Variants in PTX3 observed in about 807,000 individuals in gnomAD.
PTX3 encodes the protein pentraxin-related protein PTX3.
In PTX3, 24 loss-of-function variants were observed where a neutral mutation model predicts 23.5. The observed-to-expected ratio is 1.02, with a 90% CI of 0.74 to 1.43. The LOEUF (loss-of-function observed/expected upper bound fraction) is 1.43. Among genes scored for constraint, PTX3 ranks in the 40% most tolerant of loss-of-function variants. PTX3 has a pLI of 0.00. For missense variants in PTX3, 510 were observed against 497.5 expected, an observed-to-expected ratio of 1.02 and a Z score of -0.24; for synonymous variants, 218 against 205.4, an observed-to-expected ratio of 1.06 and a Z score of -0.53.
intron 2 of PTX3, among the ~76,000 whole-genome samples, chr3:157,438,337 C>T (rs1291122491): frequency 3.3e-5 from 5 of 152,072 alleles, no homozygotes; most frequent in Non-Finnish European, 7.4e-5. Context: ...TTTTATCCTG[C>T]CTCTGTCTTT....
chr3:157,437,692 G>T lies in PTX3; in HGVS notation c.310G>T (p.Ala104Ser). Residue 104 changes from alanine (A) to serine (S), a missense_variant, in exon 2 of 3, where the codon GCG (alanine) becomes TCG (serine). Ala to Ser is a moderately conservative substitution (Grantham distance 99). Transcript: ENST00000295927. ...RLAESLARPC[A>S]PGAPAEARLT... Reference sequence around the variant, plus strand: ...CGCGGAAAGCCTGGCGAGGCCGTGCGCGCCGGGGGCTCCCGCAGAGGCCAG... The same window carrying T: ...CGCGGAAAGCCTGGCGAGGCCGTGCTCGCCGGGGGCTCCCGCAGAGGCCAG... 1 of 1,533,030 alleles carries T rather than the reference G, an allele frequency of 6.5e-7. No homozygotes were observed. The allele number at this position is 1,533,030 out of a possible 1,614,324, so 95.0% of individuals were successfully genotyped here. A position where few individuals can be genotyped will look rare whatever the true frequency, so the allele number is the denominator to read the frequency against.
rs1343614145 is a variant in PTX3, at chr3:157,443,564, G to A, written c.*585G>A. ...AAGACTATTTTTGTAAAGCTCTACT[G>A]TAAATAAAATATTTTATAAAACTAG... On this transcript the variant is annotated 3_prime_UTR_variant, in exon 3 of 3. Coordinates refer to ENST00000295927, the MANE Select transcript of PTX3 (RefSeq NM_002852.4). The A allele has an allele frequency of 2.6e-5, 4 of 152,572 alleles. No individual in the cohort carries two copies. Among genetic ancestry groups the A allele is most frequent in the Admixed American group, 1.3e-4 (2 of 15,270 alleles). The allele number at this position is 152,572 out of a possible 1,614,324, so 9.5% of individuals were successfully genotyped here.
intron 2 of PTX3, among the ~76,000 whole-genome samples, chr3:157,440,659 T>C (rs768152687): frequency 8.6e-4 from 131 of 152,080 alleles, no homozygotes; most frequent in Non-Finnish European, 1.2e-3. Flanking sequence ...TATGTATATA[T>C]GTGTGTATAT....
intron 2 of PTX3, among the ~76,000 whole-genome samples, chr3:157,440,955 T>C (rs1734073322): frequency 1.3e-5 from 2 of 152,112 alleles, no homozygotes; most frequent in Non-Finnish European, 1.5e-5. Flanking sequence ...ATTATAAGCA[T>C]GTGGACAAGG....
chr3:157,437,665 C>T lies in PTX3; in HGVS notation c.283C>T (p.Leu95Phe), dbSNP rs772664941. ...GAGGCTGCGGGAGGAGCTGGGCCGG[C>T]TCGCGGAAAGCCTGGCGAGGCCGTG... ...LQRLREELGRLAESLARPCAP... is the reference protein window; with the variant it reads ...LQRLREELGRFAESLARPCAP... The change falls in exon 2 of 3, where the codon CTC (leucine) becomes TTC (phenylalanine). Residue 95 changes from leucine to phenylalanine, a missense_variant. Leu to Phe is a conservative substitution (Grantham distance 22). Transcript: ENST00000295927. 1 of 1,540,506 alleles carries T rather than the reference C, an allele frequency of 6.5e-7. No individual in the cohort carries two copies. The highest frequency in any genetic ancestry group is 8.7e-7 in the Non-Finnish European group (1 of 1,146,406).
In PTX3 at chr3:157,440,968, G is replaced by T. The variant is rs182247704; in HGVS notation, c.533-1398G>T. Among the ~76,000 whole-genome samples, 10 of 152,310 alleles carry T rather than the reference G, an allele frequency of 6.6e-5. No homozygotes were observed. In the East Asian group the frequency reaches 1.5e-3, roughly 24 times the overall value. On this transcript the variant is annotated intron_variant, in intron 2 of 2. Coordinates refer to ENST00000295927, the MANE Select transcript of PTX3 (RefSeq NM_002852.4). The stretch of plus-strand genomic sequence containing the variant: ...TAATTATAAGCATGTGGACAAGGTA[G>T]AATTTTTAAACACATTTTTGGTCTA...
Position 157,443,122 on chromosome 3 carries a change from T to C in PTX3, c.*143T>C, listed in dbSNP as rs750429296. 1.5e-4 allele frequency: 145 copies of C among 971,906 alleles called. No individual in the cohort carries two copies. The highest frequency in any genetic ancestry group is 2.7e-4 in the Middle Eastern group (1 of 3,744). 60.2% of individuals were successfully genotyped at this position (971,906 alleles called of 1,614,324 possible). On this transcript the variant is annotated 3_prime_UTR_variant, in exon 3 of 3. Coordinates refer to ENST00000295927, the MANE Select transcript of PTX3 (RefSeq NM_002852.4). ...AGTTGAGACCAATCTTTATTTGTAC[T>C]GGCCAAATACTGAATAAACAGTTGA...
intron 2 of PTX3, 149 bp downstream of exon 2, chr3:157,438,063 A>C: frequency 5.4e-6 from 4 of 746,188 alleles, no homozygotes; most frequent in Non-Finnish European, 8.4e-6. Flanking sequence ...ACACACACAC[A>C]CACACACACC....
At chr3:157,439,026 T>G (rs967462700) in intron 2 of PTX3, among the ~76,000 whole-genome samples, 1 of 152,204 alleles carries the variant, frequency 6.6e-6, no homozygotes, top group Non-Finnish European at 1.5e-5. Context: ...CATTTAAAGT[T>G]ACAGAAACCA....
rs755051318 is a variant in PTX3 at position 157,436,994 on chromosome 3, G to C, written c.61G>C (p.Asp21His). The change falls in exon 1 of 3, where the codon GAT becomes CAT. Residue 21 changes from aspartate to histidine, a missense_variant. Coordinates refer to ENST00000295927, the MANE Select transcript of PTX3 (RefSeq NM_002852.4). ...GTCTGCAGTGTTGGCCGAGAACTCG[G>C]ATGATTATGATCTCATGTATGTGAA... ...LWSAVLAENS[D>H]DYDLMYVNLD... 8 of 1,613,984 alleles carry C rather than the reference G, an allele frequency of 5.0e-6. No individual in the cohort carries two copies. The highest frequency in any genetic ancestry group is 6.8e-6 in the Non-Finnish European group (8 of 1,179,876).
At chr3:157,438,042 C>T in intron 2 of PTX3, 128 bp downstream of exon 2, 1 of 663,612 alleles carries the variant, frequency 1.5e-6, no homozygotes, top group Non-Finnish European at 2.4e-6. Context: ...CGCGCGCACA[C>T]ACACACACAC....
chr3:157,443,393 C>T lies in PTX3; in HGVS notation c.*414C>T, dbSNP rs781016323. The T allele has an allele frequency of 9.4e-5, 11 of 116,640 alleles. No homozygotes were observed. The highest frequency in any genetic ancestry group is 1.5e-4 in the Non-Finnish European group (9 of 59,244). The allele number at this position is 116,640 out of a possible 1,614,324, so 7.2% of individuals were successfully genotyped here. A position where few individuals can be genotyped will look rare whatever the true frequency, so the allele number is the denominator to read the frequency against. On this transcript the variant is annotated 3_prime_UTR_variant, in exon 3 of 3. Transcript: ENST00000295927. Reference sequence around the variant, plus strand: ...CATTGTTCATTGTTATTGGTATGTACCTTATTACAAAAAAAAGATGAAAAC... The same window carrying T: ...CATTGTTCATTGTTATTGGTATGTATCTTATTACAAAAAAAAGATGAAAAC...
rs1349378403 is a variant in PTX3 at position 157,437,796 on chromosome 3, G to C, written c.414G>C (p.Glu138Asp). Reference protein sequence around the residue: ...GRRLARMEGAEAQRPEEAGRA... With the variant: ...GRRLARMEGADAQRPEEAGRA... ...GGCTGGCGCGTATGGAGGGCGCGGAGGCGCAGCGCCCAGAGGAGGCGGGGC... is the reference window on the plus strand; with the variant it reads ...GGCTGGCGCGTATGGAGGGCGCGGACGCGCAGCGCCCAGAGGAGGCGGGGC... Residue 138 changes from glutamate to aspartate, a missense_variant, in exon 2 of 3, where the codon GAG becomes GAC. Transcript: ENST00000295927. 1 of 1,462,866 alleles carries C rather than the reference G, an allele frequency of 6.8e-7. No homozygotes were observed. The highest frequency in any genetic ancestry group is 2.8e-5 in the East Asian group (1 of 35,526). 90.6% of individuals were successfully genotyped at this position (1,462,866 alleles called of 1,614,324 possible).
rs1368640247 is a variant in PTX3 at position 157,442,891 on chromosome 3, G to C, written c.1058G>C (p.Gly353Ala). 1 of 1,614,080 alleles carries C rather than the reference G, an allele frequency of 6.2e-7. No individual in the cohort carries two copies. Among genetic ancestry groups the C allele is most frequent in the Non-Finnish European group, 8.5e-7 (1 of 1,180,036 alleles). The change falls in exon 3 of 3, where the codon GGA becomes GCA. Residue 353 changes from glycine (G) to alanine (A), a missense_variant. Coordinates refer to ENST00000295927, the MANE Select transcript of PTX3 (RefSeq NM_002852.4). Reference protein sequence around the residue: ...LSNEEIRETGGAESCHIRGNI... With the variant: ...LSNEEIRETGAAESCHIRGNI... Reference sequence around the variant, plus strand: ...AATGAAGAGATAAGAGAGACCGGAGGAGCAGAGTCTTGTCACATCCGGGGG... The same window carrying C: ...AATGAAGAGATAAGAGAGACCGGAGCAGCAGAGTCTTGTCACATCCGGGGG...
In PTX3 at chr3:157,437,131, A is replaced by G. The variant is rs530947104; in HGVS notation, c.130+68A>G. 122 of 1,561,630 alleles carry G rather than the reference A, an allele frequency of 7.8e-5. No homozygotes were observed. In the African/African-American group the frequency reaches 1.4e-3, roughly 18 times the overall value. The stretch of plus-strand genomic sequence containing the variant: ...ATCCACCTCTTGGTCTAAATAACAC[A>G]CATATACTTTGTGGCCAGTGAGACA... On this transcript the variant is annotated intron_variant, in intron 1 of 2. Coordinates refer to ENST00000295927, the MANE Select transcript of PTX3 (RefSeq NM_002852.4).
rs774553750 is a variant in PTX3, at chr3:157,442,624, T to C, written c.791T>C (p.Leu264Pro). 2 of 1,614,212 alleles carry C rather than the reference T, an allele frequency of 1.2e-6. No homozygotes were observed. Among genetic ancestry groups the C allele is most frequent in the South Asian group, 2.2e-5 (2 of 91,076 alleles). Residue 264 changes from leucine (L) to proline (P), a missense_variant, in exon 3 of 3, where the codon CTG becomes CCG. Physicochemically the swap from Leu to Pro is moderately conservative, Grantham distance 98. Transcript: ENST00000295927. ...CTGGTTGCTGAAGCCATGGTTTCCC[T>C]GGGAAGGTGGACCCACCTGTGCGGC... ...NKLVAEAMVSLGRWTHLCGTW... is the reference protein window; with the variant it reads ...NKLVAEAMVSPGRWTHLCGTW...
At chr3:157,438,681 C>T (rs1170363777) in intron 2 of PTX3, among the ~76,000 whole-genome samples, 2 of 152,198 alleles carry the variant, frequency 1.3e-5, no homozygotes, top group Non-Finnish European at 2.9e-5. Flanking sequence ...GTTCAAACCA[C>T]AGGCAACTTC....
chr3:157,437,947 T>G, intron 2 of PTX3, 33 bp downstream of exon 2: 1 of 1,523,384 alleles, frequency 6.6e-7, no homozygotes, highest in African/African-American at 1.4e-5. Context: ...GACCTCCCAC[T>G]GCGGCTTTGT....
chr3:157,438,588 T>G (rs1279397719), intron 2 of PTX3, among the ~76,000 whole-genome samples: 1 of 152,144 alleles, frequency 6.6e-6, no homozygotes, highest in East Asian at 1.9e-4. Flanking sequence ...CGTGGAACAG[T>G]CAGGTGTAGG....
Sources: allele counts gnomAD v4.1 joint callset (sites outside exome capture counted in the v4.1 genomes callset), GRCh38; gene constraint gnomAD v4.1.1; transcripts MANE v1.5; gene names NCBI Gene and HGNC (gene_info 2026-07-23, HGNC 2026-07-21).